PLEKHG1: variants seen among roughly 807,000 people sequenced by gnomAD.
PLEKHG1 encodes pleckstrin homology domain-containing family G member 1.
Under a neutral mutation model 100.8 loss-of-function variants are expected in PLEKHG1, and 44 were observed. That is an observed-to-expected ratio of 0.44 (90% CI 0.34 to 0.56). The LOEUF is 0.56. PLEKHG1 is among the 20% of genes least tolerant of loss of function. The pLI is 0.01. For missense variants in PLEKHG1, 1,545 were observed against 1,720.9 expected (o/e 0.90, Z 1.81); for synonymous variants, 640 against 662.5 (o/e 0.97, Z 0.52).
At chr6:150,687,902 A>G (rs899652781) in intron 3 of PLEKHG1, among the ~76,000 whole-genome samples, 21 of 152,246 alleles carry the variant, frequency 1.4e-4, no homozygotes, top group Admixed American at 3.9e-4. Context: ...AGAGGTATAA[A>G]AAACAAATGT....
chr6:150,678,228 C>T (rs548808388), intron 3 of PLEKHG1, among the ~76,000 whole-genome samples: 1 of 151,832 alleles, frequency 6.6e-6, no homozygotes, highest in Non-Finnish European at 1.5e-5. Context: ...TAATGGATCA[C>T]CAGAGCCTGT....
intron 3 of PLEKHG1, among the ~76,000 whole-genome samples, chr6:150,659,494 G>A (rs546466740): frequency 6.6e-6 from 1 of 152,234 alleles, no homozygotes; most frequent in East Asian, 1.9e-4. Context: ...AAAGCATGAT[G>A]CTAAGCTCAT....
At chr6:150,674,884 T>C (rs908167410) in intron 3 of PLEKHG1, among the ~76,000 whole-genome samples, 6 of 152,150 alleles carry the variant, frequency 3.9e-5, no homozygotes, top group Admixed American at 2.0e-4. Context: ...GGTTTCGCCA[T>C]GTTGGCCAGG....
At chr6:150,840,713 T>C in exon 16 of PLEKHG1, 26 of 1,614,208 alleles carry the variant, frequency 1.6e-5, no homozygotes, top group Non-Finnish European at 2.1e-5. Flanking sequence ...ATTCTTTGAA[T>C]AGTCCGCGCA....
At position 150,687,384 on chromosome 6, in the gene PLEKHG1, G is replaced by C. The variant is rs551848193; in HGVS notation, c.-99+36598G>C. 2.3e-4 allele frequency among the ~76,000 whole-genome samples: 35 copies of C among 152,294 alleles called. No individual in the cohort carries two copies. The East Asian group carries it at 6.5e-3, about 28-fold the overall frequency. ...TTATGTCTGGAATGGGAGATGTGGA[G>C]AGTACTTAATTTCTGGGTTTTCTCA... is the stretch of plus-strand genomic sequence containing the variant. On this transcript the variant is annotated intron_variant, in intron 3 of 3. Coordinates refer to the PLEKHG1 transcript ENST00000367326.
At chr6:150,741,906 C>T (rs1237949995) in intron 2 of PLEKHG1, among the ~76,000 whole-genome samples, 1 of 152,220 alleles carries the variant, frequency 6.6e-6, no homozygotes, top group Non-Finnish European at 1.5e-5. Context: ...GCAAGGCTGA[C>T]TTCTATCCAT....
chr6:150,759,562 G>A (rs1484797088), intron 2 of PLEKHG1, among the ~76,000 whole-genome samples: 2 of 152,178 alleles, frequency 1.3e-5, no homozygotes, highest in African/African-American at 2.4e-5. Flanking sequence ...TTTACTCTCT[G>A]TGTGACCTCA....
intron 3 of PLEKHG1, among the ~76,000 whole-genome samples, chr6:150,672,418 G>C (rs1779614822): frequency 6.6e-6 from 1 of 152,222 alleles, no homozygotes; most frequent in Non-Finnish European, 1.5e-5. Flanking sequence ...GGGGAAGCCA[G>C]ACAGCATTTA....
intron 1 of PLEKHG1, among the ~76,000 whole-genome samples, chr6:150,622,514 C>T (rs1296491815): frequency 6.6e-6 from 1 of 152,132 alleles, no homozygotes; most frequent in South Asian, 2.1e-4. Flanking sequence ...CCCACCCTAC[C>T]ACTGTTCTGA....
chr6:150,816,733 C>T (rs892578673), intron 10 of PLEKHG1, among the ~76,000 whole-genome samples: 2 of 152,184 alleles, frequency 1.3e-5, no homozygotes, highest in Non-Finnish European at 2.9e-5. Flanking sequence ...CCTTGACACT[C>T]ACTGACAGGG....
intron 2 of PLEKHG1, among the ~76,000 whole-genome samples, chr6:150,739,675 A>AC (rs942602762): frequency 6.6e-6 from 1 of 152,076 alleles, no homozygotes; most frequent in African/African-American, 2.4e-5. Context: ...CAAAAAAAAA[A>AC]ACAAAAAAAC....
intron 1 of PLEKHG1, among the ~76,000 whole-genome samples, chr6:150,622,322 C>A (rs1262431602): frequency 6.6e-6 from 1 of 152,176 alleles, no homozygotes; most frequent in Non-Finnish European, 1.5e-5. Flanking sequence ...AAAGAGGCAA[C>A]ATTCCCAGCC....
chr6:150,642,389 G>A (rs981392), intron 2 of PLEKHG1, among the ~76,000 whole-genome samples: 23,105 of 152,094 alleles, frequency 0.15, 1,780 homozygotes, highest in South Asian at 0.21. Context: ...ATTTTATTAC[G>A]TGTAGAATCT....
rs933539358 is a variant in PLEKHG1, at chr6:150,683,842, G to T, written c.-99+33056G>T. 4.7e-6 allele frequency: 6 copies of T among 1,286,560 alleles called. No individual in the cohort carries two copies. The African/African-American group carries it at 7.6e-5, about 16-fold the overall frequency. 79.7% of individuals were successfully genotyped at this position (1,286,560 alleles called of 1,614,324 possible). ...CGTGTTCTGGGCCAAAGCATCACAG[G>T]CGAGTGAAATATGGGAATATTGAAG... On this transcript the variant is annotated intron_variant, in intron 3 of 3. Transcript: ENST00000367326. The surrounding 1 kb of genome is among the most constrained non-coding windows in gnomAD (Gnocchi z 4.0).
intron 5 of PLEKHG1, among the ~76,000 whole-genome samples, chr6:150,798,097 T>G (rs896791037): frequency 6.6e-6 from 1 of 152,166 alleles, no homozygotes; most frequent in Admixed American, 6.5e-5. Flanking sequence ...TTTGTTTCCA[T>G]CTTAATGCTG....
chr6:150,652,110 C>T (rs1372603583), intron 3 of PLEKHG1: 6 of 151,968 alleles, frequency 3.9e-5, no homozygotes, highest in Admixed American at 1.3e-4. Flanking sequence ...GTATTTTTAA[C>T]GTATTTTTCT....
chr6:150,646,030 A>G (rs1041068284), intron 2 of PLEKHG1, among the ~76,000 whole-genome samples: 1 of 152,268 alleles, frequency 6.6e-6, no homozygotes, highest in Non-Finnish European at 1.5e-5. Flanking sequence ...ATTCAATAAC[A>G]TACTATCCAC....
intron 2 of PLEKHG1, among the ~76,000 whole-genome samples, chr6:150,743,789 C>T (rs990834886): frequency 6.6e-6 from 1 of 151,982 alleles, no homozygotes; most frequent in African/African-American, 2.4e-5. Flanking sequence ...ATTTGACCTG[C>T]CAGTAGGGCT....
At chr6:150,608,372 C>T (rs192960990) in intron 1 of PLEKHG1, among the ~76,000 whole-genome samples, 10 of 152,310 alleles carry the variant, frequency 6.6e-5, no homozygotes, top group Admixed American at 1.3e-4. Context: ...TATGATCTGT[C>T]ATGTATCAGA....
Sources: allele counts gnomAD v4.1 joint callset (sites outside exome capture counted in the v4.1 genomes callset), GRCh38; gene constraint gnomAD v4.1.1; non-coding constraint Gnocchi (gnomAD v3.1); transcripts MANE v1.5; gene names NCBI Gene and HGNC (gene_info 2026-07-23, HGNC 2026-07-21).